The following ITIH5 variants were observed in gnomAD, a reference collection of about 807,000 sequenced individuals.
ITIH5 encodes inter-alpha-trypsin inhibitor heavy chain 5.
Under a neutral mutation model 77.5 loss-of-function variants are expected in ITIH5, and 65 were observed. That is an observed-to-expected ratio of 0.84 (90% confidence interval 0.69 to 1.03). ITIH5 has a LOEUF of 1.03. Among genes scored for constraint, ITIH5 ranks in the 50% least tolerant of loss-of-function variants. The pLI, the probability that ITIH5 is intolerant of heterozygous loss-of-function variation, is 0.00. For missense variants in ITIH5, 1,208 were observed against 1,213.1 expected (o/e 1.00, Z 0.06); for synonymous variants, 525 against 494.3 (o/e 1.06, Z -0.82).
chr10:7,629,343 G>A (rs1833669038), intron 5 of ITIH5, among the ~76,000 whole-genome samples: 1 of 133,216 alleles, frequency 7.5e-6, no homozygotes, highest in African/African-American at 3.2e-5. Flanking sequence ...GTGTGCCCAT[G>A]TTGTAGCGTG....
At chr10:7,660,647 C>T (rs1220229548) in intron 1 of ITIH5, among the ~76,000 whole-genome samples, 1 of 152,170 alleles carries the variant, frequency 6.6e-6, no homozygotes, top group Non-Finnish European at 1.5e-5. Context: ...TTTTTCTTCC[C>T]AGGATCCACC....
chr10:7,638,962 T>C (rs1457066753), intron 4 of ITIH5, among the ~76,000 whole-genome samples: 3 of 152,208 alleles, frequency 2.0e-5, no homozygotes, highest in African/African-American at 7.2e-5. Flanking sequence ...ATAATGGTTA[T>C]GTGTCTCGCT....
rs1158098020 is a variant in ITIH5 at position 7,600,401 on chromosome 10, T to C, written c.940-14332A>G. The stretch of plus-strand genomic sequence containing the variant: ...CCTTCAGTCTAGCACATTCTCAAAG[T>C]GACCACAACTGTCTCCTGAACATCT... On this transcript the variant is annotated intron_variant, in intron 7 of 13. Transcript: ENST00000397146. 1.1e-5 allele frequency: 4 copies of C among 380,586 alleles called. No individual in the cohort carries two copies. In the Admixed American group the frequency reaches 1.3e-4, roughly 13 times the overall value. The allele number at this position is 380,586 out of a possible 1,614,324, so 23.6% of individuals were successfully genotyped here.
chr10:7,641,903 A>T, intron 3 of ITIH5, 24 bp downstream of exon 3: 1 of 1,612,616 alleles, frequency 6.2e-7, no homozygotes, highest in African/African-American at 1.3e-5. Flanking sequence ...AGAAATCTTC[A>T]TCCCTGACCA....
intron 7 of ITIH5, among the ~76,000 whole-genome samples, chr10:7,596,553 T>C (rs1297754978): frequency 1.3e-5 from 2 of 152,150 alleles, no homozygotes; most frequent in Non-Finnish European, 2.9e-5. Flanking sequence ...ACATCACAGA[T>C]GAATCCAAGT....
chr10:7,580,178 T>C, intron 8 of ITIH5, 114 bp from the exon 9 acceptor site: 3 of 862,104 alleles, frequency 3.5e-6, no homozygotes, highest in Non-Finnish European at 1.8e-6. Context: ...TGGAGTGCAA[T>C]GGCGCAATCT....
chr10:7,655,246 CT>C (rs1834161354), intron 2 of ITIH5, among the ~76,000 whole-genome samples: 1 of 152,206 alleles, frequency 6.6e-6, no homozygotes, highest in Non-Finnish European at 1.5e-5. Context: ...GCCTATCCAA[CT>C]TTCATCACGT....
At chr10:7,644,371 T>TATATATCAC (rs71383930) in intron 2 of ITIH5, among the ~76,000 whole-genome samples, 5 of 139,588 alleles carry the variant, frequency 3.6e-5, no homozygotes, top group Non-Finnish European at 6.0e-5. Flanking sequence ...ATATATCACA[T>TATATATCAC]ATATATCACA....
chr10:7,642,194 G>C (rs1476462241), intron 2 of ITIH5, 104 bp from the exon 3 acceptor site: 6 of 878,956 alleles, frequency 6.8e-6, no homozygotes, highest in Non-Finnish European at 1.0e-5. Context: ...TCTTCAGTTT[G>C]GGAGCCTTTG....
At chr10:7,665,387 T>C (rs1158101847) in intron 1 of ITIH5, among the ~76,000 whole-genome samples, 1 of 152,224 alleles carries the variant, frequency 6.6e-6, no homozygotes, top group African/African-American at 2.4e-5. Context: ...TCTAAGACCA[T>C]GGCCAGCATT....
intron 2 of ITIH5, among the ~76,000 whole-genome samples, chr10:7,644,852 C>CAT (rs1250480187): frequency 2.5e-4 from 32 of 129,106 alleles, no homozygotes; most frequent in South Asian, 2.4e-4. Flanking sequence ...ATATATATCA[C>CAT]ATATGTATCA....
At position 7,561,367 on chromosome 10, in the gene ITIH5, C is replaced by T. The variant is rs181794144; in HGVS notation, c.*1716G>A. 6.6e-6 allele frequency: 1 copy of T among 152,414 alleles called. No homozygotes were observed. Among genetic ancestry groups the T allele is most frequent in the Admixed American group, 6.5e-5 (1 of 15,308 alleles). The allele number at this position is 152,414 out of a possible 1,614,324, so 9.4% of individuals were successfully genotyped here. ...GGGCTGTCTGTCCAGCTGGGATTTA[C>T]ATAATAGGAAGGCCCCGGGGAGCCT... On this transcript the variant is annotated 3_prime_UTR_variant, in exon 14 of 14. Transcript: ENST00000397146.
At chr10:7,626,662 A>G (rs1231884512) in intron 5 of ITIH5, among the ~76,000 whole-genome samples, 1 of 152,210 alleles carries the variant, frequency 6.6e-6, no homozygotes, top group Non-Finnish European at 1.5e-5. Context: ...TACAATACAG[A>G]ATGCCTGGTT....
intron 13 of ITIH5, among the ~76,000 whole-genome samples, chr10:7,565,383 TATACACACATATC>T (rs1260348489): frequency 6.7e-6 from 1 of 149,192 alleles, no homozygotes; most frequent in Non-Finnish European, 1.5e-5. Context: ...TGTATGTATA[TATACACACATATC>T]ATGCACACAT....
intron 5 of ITIH5, among the ~76,000 whole-genome samples, chr10:7,634,374 C>G (rs1264181135): frequency 6.6e-6 from 1 of 152,128 alleles, no homozygotes; most frequent in Admixed American, 6.5e-5. Context: ...GAACAATAAC[C>G]GCTGAGCTCT....
intron 13 of ITIH5, 119 bp downstream of exon 13, chr10:7,565,911 T>C (rs1375572290): frequency 2.9e-6 from 4 of 1,399,826 alleles, no homozygotes; most frequent in African/African-American, 1.4e-5. Flanking sequence ...GTATATATAA[T>C]GAAAACCACA....
At chr10:7,586,290 T>C (rs1269140478) in intron 7 of ITIH5, among the ~76,000 whole-genome samples, 1 of 152,216 alleles carries the variant, frequency 6.6e-6, no homozygotes, top group African/African-American at 2.4e-5. Flanking sequence ...CAGTGCTGAA[T>C]GCCGCATCCC....
intron 1 of ITIH5, among the ~76,000 whole-genome samples, chr10:7,665,048 G>A (rs1235715631): frequency 6.6e-6 from 1 of 152,072 alleles, no homozygotes; most frequent in Non-Finnish European, 1.5e-5. Context: ...AACGGATTAG[G>A]GATAAAAGGT....
At chr10:7,637,591 C>T (rs754702286) in intron 4 of ITIH5, 113 bp from the exon 5 acceptor site, 8 of 1,053,716 alleles carry the variant, frequency 7.6e-6, no homozygotes, top group Non-Finnish European at 1.1e-5. Flanking sequence ...GCCAGGGAGA[C>T]CCATGGGTGT....
Sources: gnomAD v4.1 joint callset for allele counts (sites outside exome capture counted in the v4.1 genomes callset) on GRCh38, gnomAD v4.1.1 for gene constraint, MANE v1.5 for transcripts, NCBI Gene and HGNC (gene_info 2026-07-23, HGNC 2026-07-21) for gene names.